The following INSYN2A variants were observed in gnomAD, a reference collection of about 807,000 sequenced individuals.
INSYN2A encodes family with sequence similarity 196 member A.
INSYN2A carries 17 observed loss-of-function variants against 39.4 expected under a neutral mutation model. The observed-to-expected ratio is 0.43, with a 90% CI of 0.30 to 0.65. The LOEUF (loss-of-function observed/expected upper bound fraction) is 0.65. INSYN2A is among the 30% of genes least tolerant of loss of function. The probability of loss-of-function intolerance (pLI) is 0.14; values close to 1 mark genes in which losing one functional copy is unlikely to be tolerated. For missense variants in INSYN2A, 595 were observed against 631.2 expected (o/e 0.94, Z 0.61); for synonymous variants, 255 against 265.7 (o/e 0.96, Z 0.39).
intron 4 of INSYN2A, among the ~76,000 whole-genome samples, chr10:127,157,328 AG>A (rs1183018726): frequency 2.0e-5 from 3 of 152,218 alleles, no homozygotes; most frequent in African/African-American, 7.2e-5. Context: ...TCAGAAAAAA[AG>A]GCCAGTGCTG....
intron 4 of INSYN2A, among the ~76,000 whole-genome samples, chr10:127,163,461 G>T (rs2053772206): frequency 6.6e-6 from 1 of 152,150 alleles, no homozygotes; most frequent in Admixed American, 6.5e-5. Context: ...CAAACTTTCA[G>T]TGCCCACCTC....
intron 2 of INSYN2A, among the ~76,000 whole-genome samples, chr10:127,183,773 A>G (rs1048066809): frequency 3.3e-5 from 5 of 152,170 alleles, no homozygotes; most frequent in Non-Finnish European, 2.9e-5. Context: ...AAAATAAACA[A>G]AAGGTCTATA....
chr10:127,186,961 T>C (rs1307045049), intron 2 of INSYN2A, among the ~76,000 whole-genome samples: 1 of 152,138 alleles, frequency 6.6e-6, no homozygotes, highest in Non-Finnish European at 1.5e-5. Flanking sequence ...ATCAGGCACA[T>C]AGAGTTTTGA....
chr10:127,170,605 G>A (rs936733966), intron 4 of INSYN2A, among the ~76,000 whole-genome samples: 1 of 151,900 alleles, frequency 6.6e-6, no homozygotes, highest in African/African-American at 2.4e-5. Flanking sequence ...CACTGTAGTT[G>A]CTGGTGAGTT....
At chr10:127,195,155 A>G (rs566949220) in intron 1 of INSYN2A, among the ~76,000 whole-genome samples, 1 of 152,250 alleles carries the variant, frequency 6.6e-6, no homozygotes, top group Non-Finnish European at 1.5e-5. Context: ...TCTTTATCCA[A>G]GCAGTGGGGA....
At chr10:127,164,929 A>G (rs2053944657) in intron 4 of INSYN2A, among the ~76,000 whole-genome samples, 1 of 152,200 alleles carries the variant, frequency 6.6e-6, no homozygotes, top group South Asian at 2.1e-4. Flanking sequence ...AAGGAAAACA[A>G]CTTTTTCCAG....
chr10:127,143,009 T>C (rs1055771271), intron 5 of INSYN2A, among the ~76,000 whole-genome samples: 11 of 152,206 alleles, frequency 7.2e-5, no homozygotes, highest in Non-Finnish European at 1.5e-5. Context: ...CTAGGCTTTG[T>C]AGTAACACTT....
At position 127,175,149 on chromosome 10, in the gene INSYN2A, T is replaced by C; in HGVS notation, c.1184+63A>G. 1 of 1,391,844 alleles carries C rather than the reference T, an allele frequency of 7.2e-7. No homozygotes were observed. The highest frequency in any genetic ancestry group is 9.9e-7 in the Non-Finnish European group (1 of 1,006,054). 86.2% of individuals were successfully genotyped at this position (1,391,844 alleles called of 1,614,324 possible). On this transcript the variant is annotated intron_variant, in intron 4 of 5. Transcript: ENST00000522781. The surrounding 1 kb of genome is among the most constrained non-coding windows in gnomAD (Gnocchi z 6.3). Reference sequence around the variant, plus strand: ...CTCATTACAGACTTGGGTTTGGGGCTACAGATGGACTCTGTGGTGATCAGC... The same window carrying C: ...CTCATTACAGACTTGGGTTTGGGGCCACAGATGGACTCTGTGGTGATCAGC...
intron 2 of INSYN2A, among the ~76,000 whole-genome samples, 166 bp downstream of exon 2, chr10:127,192,435 CAGAA>C (rs1471193015): frequency 2.6e-5 from 4 of 152,164 alleles, no homozygotes; most frequent in African/African-American, 9.7e-5. Flanking sequence ...ACATACTCAG[CAGAA>C]AGAGACACAT....
intron 5 of INSYN2A, among the ~76,000 whole-genome samples, chr10:127,142,256 T>C (rs553205596): frequency 6.6e-6 from 1 of 152,204 alleles, no homozygotes; most frequent in Non-Finnish European, 1.5e-5. Context: ...CACGGGCACG[T>C]GGGAAGCCGG....
rs375773085 is a variant in INSYN2A at position 127,175,755 on chromosome 10, C to T, written c.641G>A (p.Arg214Gln). The T allele has an allele frequency of 2.9e-5, 47 of 1,614,044 alleles. No individual in the cohort carries two copies. The African/African-American group carries it at 4.1e-4, about 14-fold the overall frequency. The part of the protein sequence containing the change: ...YGEAALQNST[R>Q]PPSEEPDYQL... ...GTAATCGGGCTCTTCGGATGGAGGC[C>T]GAGTGGAGTTTTGGAGCGCAGCTTC... is the stretch of plus-strand genomic sequence containing the variant. Residue 214 changes from arginine to glutamine, a missense_variant, in exon 4 of 6, where the codon CGG becomes CAG. Arg to Gln is a conservative substitution (Grantham distance 43, BLOSUM62 1). This residue lies in a region of INSYN2A where 478 missense variants were observed against 467.4 expected (regional missense o/e 1.02). Transcript: ENST00000522781. The surrounding 1 kb of genome is among the most constrained non-coding windows in gnomAD (Gnocchi z 6.3).
Position 127,145,499 on chromosome 10 carries a change from T to C in INSYN2A, c.1257-7479A>G, listed in dbSNP as rs1156238456. The stretch of plus-strand genomic sequence containing the variant: ...CCAACTTTTGACAGAAACTGTGTTA[T>C]AACTGCCTTGAAAAGGAGATGACAC... On this transcript the variant is annotated intron_variant, in intron 5 of 5. Transcript: ENST00000522781. 7.2e-5 allele frequency among the ~76,000 whole-genome samples: 11 copies of C among 152,302 alleles called. No homozygotes were observed. In the East Asian group the frequency reaches 2.1e-3, roughly 29 times the overall value.
At chr10:127,190,892 C>T (rs1429904654) in intron 2 of INSYN2A, among the ~76,000 whole-genome samples, 3 of 151,994 alleles carry the variant, frequency 2.0e-5, no homozygotes, top group South Asian at 2.1e-4. Flanking sequence ...CAACTGGTCT[C>T]CAACTCCTCT....
At chr10:127,170,436 C>T (rs562190454) in intron 4 of INSYN2A, among the ~76,000 whole-genome samples, 1 of 152,322 alleles carries the variant, frequency 6.6e-6, no homozygotes, top group African/African-American at 2.4e-5. Context: ...AGATTCTGAT[C>T]ATGTGCTTGA....
chr10:127,161,261 G>A (rs912971062), intron 4 of INSYN2A, among the ~76,000 whole-genome samples: 6 of 152,148 alleles, frequency 3.9e-5, no homozygotes, highest in Non-Finnish European at 7.3e-5. Flanking sequence ...TAGAATTTGA[G>A]GGAACAGCCA....
At chr10:127,166,317 G>A (rs951757978) in intron 4 of INSYN2A, among the ~76,000 whole-genome samples, 11 of 151,970 alleles carry the variant, frequency 7.2e-5, no homozygotes, top group African/African-American at 1.7e-4. Flanking sequence ...CACCCACCTC[G>A]GCCTCCCAAA....
chr10:127,184,730 C>A (rs1422064688), intron 2 of INSYN2A, among the ~76,000 whole-genome samples: 1 of 152,220 alleles, frequency 6.6e-6, no homozygotes, highest in Non-Finnish European at 1.5e-5. Context: ...CATGGTCAGT[C>A]TCTACTTTGT....
intron 2 of INSYN2A, among the ~76,000 whole-genome samples, chr10:127,182,022 G>A (rs1197512084): frequency 1.3e-5 from 2 of 152,154 alleles, no homozygotes; most frequent in African/African-American, 4.8e-5. Context: ...AGGGGTGACT[G>A]GATGAATTCA....
At chr10:127,192,791 G>A (rs2056846506) in intron 1 of INSYN2A, 61 bp from the exon 2 acceptor site, 3 of 152,214 alleles carry the variant, frequency 2.0e-5, no homozygotes, top group South Asian at 2.1e-4. Context: ...TCATGGCTTA[G>A]TGCTTAACAC....
Sources: gnomAD v4.1 joint callset for allele counts (sites outside exome capture counted in the v4.1 genomes callset) on GRCh38, gnomAD v4.1.1 for gene constraint, gnomAD v4.1.1 regional missense constraint, Gnocchi (gnomAD v3.1) non-coding constraint, MANE v1.5 for transcripts, NCBI Gene and HGNC (gene_info 2026-07-23, HGNC 2026-07-21) for gene names.